Variants in EXD3 observed in about 807,000 individuals in gnomAD.
EXD3 encodes the protein exonuclease 3'-5' domain containing 3.
EXD3 carries 92 observed loss-of-function variants against 98.0 expected under a neutral mutation model. That is an observed-to-expected ratio of 0.94 (90% CI 0.79 to 1.12). EXD3 has a LOEUF of 1.12. Among genes scored for constraint, EXD3 ranks in the 50% most tolerant of loss-of-function variants. The probability of loss-of-function intolerance (pLI) is 0.00; values close to 1 mark genes in which losing one functional copy is unlikely to be tolerated. For synonymous variants in EXD3, 569 were observed against 526.0 expected, an observed-to-expected ratio of 1.08 and a Z score of -1.12; for missense variants, 1,222 against 1,191.6, an observed-to-expected ratio of 1.03 and a Z score of -0.38.
intron 1 of EXD3, among the ~76,000 whole-genome samples, chr9:137,396,972 C>T (rs1192805436): frequency 2.0e-5 from 3 of 152,204 alleles, no homozygotes; most frequent in South Asian, 2.1e-4. Flanking sequence ...CCCACCATGC[C>T]GAGGGGGCCA....
rs553422844 is a variant in EXD3, at chr9:137,328,087, T to C, written c.1999-3944A>G. On this transcript the variant is annotated intron_variant, in intron 17 of 21. Coordinates refer to ENST00000340951, the MANE Select transcript of EXD3 (RefSeq NM_017820.5). ...TAAAAACAACTAACATACTCCCATA[T>C]GATGAGTAAAAACAACTAATATACA... Among the ~76,000 whole-genome samples, 24 of 151,840 alleles carry C rather than the reference T, an allele frequency of 1.6e-4. No homozygotes were observed. The East Asian group carries it at 3.0e-3, about 19-fold the overall frequency.
chr9:137,384,065 T>C lies in EXD3; in HGVS notation c.56-688A>G, dbSNP rs537859034. ...GGGTCGGAGGCCAGGGAGGGGCAGG[T>C]GCCAGCAGGGACTCCACAGGGGAGG... On this transcript the variant is annotated intron_variant, in intron 2 of 21. Transcript: ENST00000340951. Among the ~76,000 whole-genome samples, 3 of 152,114 alleles carry C rather than the reference T, an allele frequency of 2.0e-5. No homozygotes were observed. In the South Asian group the frequency reaches 6.2e-4, roughly 32 times the overall value.
chr9:137,364,547 G>A (rs1014320465), intron 7 of EXD3, among the ~76,000 whole-genome samples: 10 of 151,746 alleles, frequency 6.6e-5, no homozygotes, highest in African/African-American at 2.2e-4. Context: ...ACTTGAACCC[G>A]GGAGGTGAAG....
rs564099820 is a variant in EXD3, at chr9:137,340,374, G to A, written c.1998+7697C>T. Among the ~76,000 whole-genome samples the A allele has an allele frequency of 5.4e-4, 82 of 152,160 alleles. No individual in the cohort carries two copies. In the Middle Eastern group the frequency reaches 0.014, roughly 25 times the overall value. Reference sequence around the variant, plus strand: ...TGCCTGTAATCCCAGCTACTCAGGAGGCTGAGGCAGAAGAATCACTTGAAT... The same window carrying A: ...TGCCTGTAATCCCAGCTACTCAGGAAGCTGAGGCAGAAGAATCACTTGAAT... On this transcript the variant is annotated intron_variant, in intron 17 of 21. Transcript: ENST00000340951.
At chr9:137,317,465 C>T (rs1831746535) in intron 19 of EXD3, among the ~76,000 whole-genome samples, 1 of 152,144 alleles carries the variant, frequency 6.6e-6, no homozygotes, top group Non-Finnish European at 1.5e-5. Flanking sequence ...TCCTCAGGCA[C>T]TACCTCACGA....
intron 17 of EXD3, among the ~76,000 whole-genome samples, chr9:137,332,503 C>CT (rs2119155061): frequency 6.6e-6 from 1 of 151,328 alleles, no homozygotes; most frequent in East Asian, 1.9e-4. Context: ...AGGGGAATCC[C>CT]TTCAACCTGG....
intron 5 of EXD3, among the ~76,000 whole-genome samples, chr9:137,368,767 C>G (rs1000084020): frequency 1.4e-5 from 2 of 145,992 alleles, no homozygotes; most frequent in African/African-American, 5.1e-5. Context: ...CCTTTCCCTG[C>G]GCAGCGCTGA....
chr9:137,339,496 C>CAAAAAAAAAAAAAAA (rs57029740), intron 17 of EXD3, among the ~76,000 whole-genome samples: 1 of 92,696 alleles, frequency 1.1e-5, no homozygotes, highest in African/African-American at 3.7e-5. Context: ...GACGCCACTT[C>CAAAAAAAAAAAAAAA]AAAAAAAAAA....
intron 2 of EXD3, among the ~76,000 whole-genome samples, chr9:137,389,630 T>TGCTGGGAC (rs1208873933): frequency 8.6e-5 from 13 of 151,478 alleles, no homozygotes; most frequent in Non-Finnish European, 1.5e-4. Flanking sequence ...TACGTCGAGG[T>TGCTGGGAC]GCTGGGACGC....
intron 17 of EXD3, among the ~76,000 whole-genome samples, chr9:137,338,153 A>T (rs1387379829): frequency 6.6e-6 from 1 of 152,232 alleles, no homozygotes; most frequent in Non-Finnish European, 1.5e-5. Context: ...TTGGCTACAA[A>T]GCAAATCTTA....
intron 8 of EXD3, 78 bp from the exon 9 acceptor site, chr9:137,354,851 G>T: frequency 1.4e-6 from 2 of 1,396,462 alleles, no homozygotes; most frequent in Middle Eastern, 2.5e-4. Context: ...GGCTGGAGAC[G>T]GGCAGAGGGG....
intron 19 of EXD3, among the ~76,000 whole-genome samples, chr9:137,320,443 C>T (rs1322806745): frequency 2.0e-5 from 3 of 152,238 alleles, no homozygotes; most frequent in Non-Finnish European, 2.9e-5. Context: ...CAGCTCTGGC[C>T]TTAGCCCCTC....
intron 17 of EXD3, among the ~76,000 whole-genome samples, chr9:137,328,487 A>ATATACTCCCACATGAT: frequency 2.2e-4 from 1 of 4,476 alleles, no homozygotes; most frequent in East Asian, 6.0e-3. Flanking sequence ...TAAAAACAAA[A>ATATACTCCCACATGAT]GTAAAAACAA....
chr9:137,364,184 A>G (rs962170670), intron 7 of EXD3, among the ~76,000 whole-genome samples: 3 of 152,132 alleles, frequency 2.0e-5, no homozygotes, highest in African/African-American at 7.2e-5. Context: ...TTTTGTGCTC[A>G]GTCTATTCTC....
chr9:137,356,983 G>A (rs760599537), intron 7 of EXD3, among the ~76,000 whole-genome samples: 3 of 152,178 alleles, frequency 2.0e-5, no homozygotes, highest in African/African-American at 4.8e-5. Flanking sequence ...TTTTGGAGAT[G>A]TGCACCTCCA....
chr9:137,354,668 G>A, intron 9 of EXD3, 32 bp downstream of exon 9: 1 of 1,608,626 alleles, frequency 6.2e-7, no homozygotes, highest in Non-Finnish European at 8.5e-7. Context: ...GCCGCGGCTG[G>A]CTGCCCCCAG....
At chr9:137,328,263 A>T (rs71485012) in intron 17 of EXD3, among the ~76,000 whole-genome samples, 925 of 2,376 alleles carry the variant, frequency 0.39, 190 homozygotes, top group Admixed American at 0.55. Context: ...TAAAAACAAC[A>T]AATAAACACC....
intron 2 of EXD3, among the ~76,000 whole-genome samples, chr9:137,389,999 G>A (rs1454718037): frequency 6.6e-6 from 1 of 151,024 alleles, no homozygotes; most frequent in Non-Finnish European, 1.5e-5. Flanking sequence ...GTGGGTGCCT[G>A]TAATCCCAGC....
chr9:137,359,788 G>A lies in EXD3; in HGVS notation c.657-3420C>T, dbSNP rs930092647. Among the ~76,000 whole-genome samples the A allele has an allele frequency of 1.6e-4, 14 of 86,034 alleles. 5 individuals are homozygous for A. The highest frequency in any genetic ancestry group is 2.9e-4 in the Non-Finnish European group (10 of 35,076). The allele number at this position is 86,034 out of a possible 152,430, so 56.4% of individuals were successfully genotyped here. On this transcript the variant is annotated intron_variant, in intron 7 of 21. Coordinates refer to ENST00000340951, the MANE Select transcript of EXD3 (RefSeq NM_017820.5). The stretch of plus-strand genomic sequence containing the variant: ...TCTCTCACAGCTGAGTTTGTGAACC[G>A]TGATCACTGCATCCACTGCTGCTCT...
Sources: gnomAD v4.1 joint callset for allele counts (sites outside exome capture counted in the v4.1 genomes callset) on GRCh38, gnomAD v4.1.1 for gene constraint, MANE v1.5 for transcripts, NCBI Gene and HGNC (gene_info 2026-07-23, HGNC 2026-07-21) for gene names.